Variants in PYROXD2 observed in about 807,000 individuals in gnomAD.
The protein encoded by PYROXD2 is pyridine nucleotide-disulfide oxidoreductase domain-containing protein 2.
In PYROXD2, 69 loss-of-function variants were observed where a neutral mutation model predicts 71.1. The observed-to-expected ratio is 0.97, with a 90% CI of 0.80 to 1.19. The LOEUF is 1.19. Among genes scored for constraint, PYROXD2 ranks in the 50% most tolerant of loss-of-function variants. The pLI is 0.00. For missense variants in PYROXD2, 745 were observed against 748.9 expected (o/e 0.99, Z 0.06); for synonymous variants, 287 against 302.7 (o/e 0.95, Z 0.54).
chr10:98,397,259 T>C, intron 6 of PYROXD2, 86 bp downstream of exon 6: 2 of 1,463,480 alleles, frequency 1.4e-6, no homozygotes, highest in Non-Finnish European at 1.8e-6. Context: ...GCCATGGAGG[T>C]TCAGGCTTGT....
intron 11 of PYROXD2, 32 bp from the exon 12 acceptor site, chr10:98,390,786 G>A (rs1452395428): frequency 6.5e-7 from 1 of 1,547,060 alleles, no homozygotes; most frequent in Non-Finnish European, 8.7e-7. Flanking sequence ...TCAGGTCTTA[G>A]CCCCACAAGG....
intron 2 of PYROXD2, among the ~76,000 whole-genome samples, chr10:98,409,377 C>T (rs1843712802): frequency 1.3e-5 from 2 of 152,214 alleles, no homozygotes. Flanking sequence ...TAATCTGTGG[C>T]AACCCCTATT....
intron 3 of PYROXD2, 24 bp downstream of exon 3, chr10:98,407,880 C>A (rs1843661884): frequency 1.3e-6 from 2 of 1,582,664 alleles, no homozygotes; most frequent in East Asian, 2.3e-5. Context: ...GCCCTCCACT[C>A]CCCCATGCCA....
intron 5 of PYROXD2, 54 bp downstream of exon 5, chr10:98,400,048 C>G: frequency 6.3e-7 from 1 of 1,587,900 alleles, no homozygotes; most frequent in Non-Finnish European, 8.6e-7. Context: ...CCAACCAGGC[C>G]CATCTCTAGG....
At chr10:98,386,616 T>A (rs1842763639) in intron 14 of PYROXD2, among the ~76,000 whole-genome samples, 1 of 151,722 alleles carries the variant, frequency 6.6e-6, no homozygotes, top group Non-Finnish European at 1.5e-5. Context: ...TAATGACGCA[T>A]CACAGCTCAC....
chr10:98,383,639 G>A lies in PYROXD2; in HGVS notation c.*159C>T. 1.4e-6 allele frequency: 1 copy of A among 696,848 alleles called. No homozygotes were observed. The highest frequency in any genetic ancestry group is 2.6e-6 in the Non-Finnish European group (1 of 382,568). The allele number at this position is 696,848 out of a possible 1,614,324, so 43.2% of individuals were successfully genotyped here. The stretch of plus-strand genomic sequence containing the variant: ...GGAGGCATGGGCATAAGGTCAACTT[G>A]CACTAAATGTAACTCGTACGTTTTT... On this transcript the variant is annotated 3_prime_UTR_variant, in exon 16 of 16. Transcript: ENST00000370575.
intron 4 of PYROXD2, among the ~76,000 whole-genome samples, chr10:98,403,104 T>G (rs1843473822): frequency 6.6e-6 from 1 of 152,312 alleles, no homozygotes; most frequent in Non-Finnish European, 1.5e-5. Flanking sequence ...CTGGACACTC[T>G]GTGGAGGAGA....
At chr10:98,403,314 T>C (rs1414186241) in intron 4 of PYROXD2, among the ~76,000 whole-genome samples, 1 of 152,218 alleles carries the variant, frequency 6.6e-6, no homozygotes, top group Non-Finnish European at 1.5e-5. Flanking sequence ...CCAGAATCTG[T>C]GCGCGTCTCT....
chr10:98,409,939 A>C (rs968318756), intron 2 of PYROXD2, among the ~76,000 whole-genome samples: 11 of 152,112 alleles, frequency 7.2e-5, no homozygotes, highest in African/African-American at 2.7e-4. Flanking sequence ...TTAGCCAGGC[A>C]TGATGGCGGC....
chr10:98,411,271 G>A (rs3814141), intron 1 of PYROXD2: 101,797 of 396,152 alleles, frequency 0.26, 14,073 homozygotes, highest in South Asian at 0.4. Flanking sequence ...TGCTTGGGAG[G>A]CGCAAGTGAT....
intron 9 of PYROXD2, 66 bp from the exon 10 acceptor site, chr10:98,392,632 A>T: frequency 8.2e-6 from 13 of 1,590,844 alleles, no homozygotes; most frequent in Non-Finnish European, 1.1e-5. Context: ...ATCTTCCGGG[A>T]TTTCCATGGT....
At chr10:98,389,947 C>T (rs1316007145) in intron 12 of PYROXD2, among the ~76,000 whole-genome samples, 4 of 152,314 alleles carry the variant, frequency 2.6e-5, no homozygotes, top group Non-Finnish European at 4.4e-5. Flanking sequence ...TCTTTCCAGG[C>T]GCACATCTTC....
chr10:98,388,552 G>A (rs1349864732), intron 12 of PYROXD2, 44 bp from the exon 13 acceptor site: 15 of 1,485,872 alleles, frequency 1.0e-5, no homozygotes, highest in Non-Finnish European at 1.3e-5. Context: ...GAGCAGCAGT[G>A]CGGAGGGTAG....
In PYROXD2 at chr10:98,392,431, C is replaced by A. The variant is rs547537351; in HGVS notation, c.1062+1G>T. 6 of 1,613,356 alleles carry A rather than the reference C, an allele frequency of 3.7e-6. No homozygotes were observed. The highest frequency in any genetic ancestry group is 3.3e-5 in the South Asian group (3 of 91,062). ...CTCCACCCTCCTGCCCACAGCCTCA[C>A]CTGTGGCGTCAGCTTCAGGAAGGTG... On this transcript the variant is annotated splice_donor_variant, in intron 10 of 15. Coordinates refer to ENST00000370575, the MANE Select transcript of PYROXD2 (RefSeq NM_032709.3). LOFTEE classifies it high-confidence loss of function.
rs1843956874 is a variant in PYROXD2 at position 98,415,019 on chromosome 10, C to T, written c.117G>A (p.Val39=). ...GGLKPEYDAV[V]IGAGHNGLVA... ...GCTTTACCACTTTACCTGCTCCTAT[C>T]ACCACCGCATCATACTCAGGCTTCA... The change falls in exon 1 of 16, where the codon GTG becomes GTA. Residue 39 remains valine (V), a synonymous_variant. Transcript: ENST00000370575. 1 of 1,613,226 alleles carries T rather than the reference C, an allele frequency of 6.2e-7. No individual in the cohort carries two copies. Among genetic ancestry groups the T allele is most frequent in the African/African-American group, 1.3e-5 (1 of 74,908 alleles).
intron 4 of PYROXD2, 59 bp from the exon 5 acceptor site, chr10:98,400,316 T>A: frequency 6.6e-7 from 1 of 1,507,540 alleles, no homozygotes. Flanking sequence ...CTGCCCATCA[T>A]CTTTCTCCGA....
chr10:98,396,340 G>C (rs984303436), intron 6 of PYROXD2, among the ~76,000 whole-genome samples: 1 of 152,220 alleles, frequency 6.6e-6, no homozygotes, highest in African/African-American at 2.4e-5. Context: ...TCTACAAGGA[G>C]GACGAGAGGT....
In PYROXD2 at chr10:98,407,580, A is replaced by C. The variant is rs771435666; in HGVS notation, c.315+2T>G. The C allele has an allele frequency of 1.9e-6, 3 of 1,613,610 alleles. No homozygotes were observed. Among genetic ancestry groups the C allele is most frequent in the Non-Finnish European group, 2.5e-6 (3 of 1,179,954 alleles). ...GCAATCGGGCCGGCGGGGGGGCCCT[A>C]CCTTCAGCTCCAGATCAGTGTAAAT... On this transcript the variant is annotated splice_donor_variant, in intron 4 of 15. Transcript: ENST00000370575. LOFTEE classifies it high-confidence loss of function.
intron 13 of PYROXD2, 32 bp downstream of exon 13, chr10:98,388,322 G>A: frequency 6.2e-7 from 1 of 1,612,384 alleles, no homozygotes; most frequent in Non-Finnish European, 8.5e-7. Flanking sequence ...CCCGGCTGTG[G>A]CTCTGGAGGC....
Sources: gnomAD v4.1 joint callset for allele counts (sites outside exome capture counted in the v4.1 genomes callset) on GRCh38, gnomAD v4.1.1 for gene constraint, MANE v1.5 for transcripts, NCBI Gene and HGNC (gene_info 2026-07-23, HGNC 2026-07-21) for gene names.